The following SH3KBP1 variants were observed in gnomAD, a reference collection of about 807,000 sequenced individuals.
The protein encoded by SH3KBP1 is SH3 domain-containing kinase-binding protein 1.
Under a neutral mutation model 50.1 loss-of-function variants are expected in SH3KBP1, and 8 were observed. The observed-to-expected ratio is 0.16, with a 90% confidence interval of 0.09 to 0.29. SH3KBP1 has a LOEUF of 0.29. Among genes scored for constraint, SH3KBP1 ranks in the 10% least tolerant of loss-of-function variants. The pLI is 1.00. For synonymous variants in SH3KBP1, 227 were observed against 218.6 expected (o/e 1.04, Z -0.34); for missense variants, 377 against 535.2 (o/e 0.70, Z 2.92).
At chrX:19,788,544 A>T (rs2066434621) in intron 2 of SH3KBP1, among the ~76,000 whole-genome samples, 1 of 111,584 alleles carries the variant, frequency 9.0e-6, no homozygotes, top group Non-Finnish European at 1.9e-5. Context: ...AGCCACTCAC[A>T]GCATGTGGTA....
chrX:19,675,158 C>T (rs1183996977), intron 6 of SH3KBP1, among the ~76,000 whole-genome samples: 1 of 111,334 alleles, frequency 9.0e-6, no homozygotes, highest in Non-Finnish European at 1.9e-5. Flanking sequence ...ACTCTTTCTA[C>T]TCTAATAACA....
At chrX:19,790,999 A>C (rs2066512693) in intron 2 of SH3KBP1, among the ~76,000 whole-genome samples, 1 of 111,184 alleles carries the variant, frequency 9.0e-6, no homozygotes, top group South Asian at 3.8e-4. Flanking sequence ...AAAAAGTAAA[A>C]GCCAGTTTCA....
At chrX:19,842,082 AC>A (rs1383688871) in intron 1 of SH3KBP1, among the ~76,000 whole-genome samples, 2 of 111,655 alleles carry the variant, frequency 1.8e-5, no homozygotes, top group Non-Finnish European at 3.8e-5. Context: ...ATGGGGATGG[AC>A]TGCAGATGGG....
At position 19,843,816 on chromosome X, in the gene SH3KBP1, C is replaced by G. The variant is rs998117969; in HGVS notation, c.5-7534G>C. 5.4e-5 allele frequency among the ~76,000 whole-genome samples: 6 copies of G among 111,583 alleles called. No individual in the cohort carries two copies. The Admixed American group carries it at 5.7e-4, about 11-fold the overall frequency. ...ATGAATCAAGAAAGAAGAGAAAAAA[C>G]AAACCCGGCTGTGTGAGAGGAAAGA... On this transcript the variant is annotated intron_variant, in intron 1 of 17. Coordinates refer to ENST00000397821, the MANE Select transcript of SH3KBP1 (RefSeq NM_031892.3).
intron 1 of SH3KBP1, among the ~76,000 whole-genome samples, chrX:19,855,285 G>C (rs1215210887): frequency 1.8e-5 from 2 of 111,950 alleles, no homozygotes; most frequent in Admixed American, 9.5e-5. Flanking sequence ...TGCCCCGCCG[G>C]TAAGCTTTTT....
chrX:19,598,252 TA>T (rs1309574624), intron 9 of SH3KBP1, among the ~76,000 whole-genome samples: 1 of 108,109 alleles, frequency 9.2e-6, no homozygotes. Flanking sequence ...TTTATTTATT[TA>T]TTTATTTATT....
At chrX:19,721,613 C>G (rs758727536) in intron 3 of SH3KBP1, among the ~76,000 whole-genome samples, 2 of 111,374 alleles carry the variant, frequency 1.8e-5, no homozygotes, top group African/African-American at 3.3e-5. Flanking sequence ...CAACATTATT[C>G]TGAAAAGGGG....
chrX:19,536,581 C>A, intron 17 of SH3KBP1, 123 bp from the exon 18 acceptor site: 1 of 431,000 alleles, frequency 2.3e-6, no homozygotes, highest in Non-Finnish European at 4.1e-6. Flanking sequence ...TTAAAGGTGA[C>A]ATGACATCTG....
intron 5 of SH3KBP1, among the ~76,000 whole-genome samples, chrX:19,691,294 C>T (rs182779286): frequency 8.6e-5 from 9 of 104,196 alleles, no homozygotes; most frequent in Middle Eastern, 4.7e-3. Flanking sequence ...TACTCTCGCA[C>T]GCACGCACGC....
intron 1 of SH3KBP1, among the ~76,000 whole-genome samples, chrX:19,881,007 C>T (rs1420569262): frequency 8.9e-6 from 1 of 111,848 alleles, no homozygotes; most frequent in African/African-American, 3.3e-5. Flanking sequence ...ACCTCTAGAA[C>T]TATAAGATTA....
At chrX:19,803,509 C>T (rs1438539270) in intron 2 of SH3KBP1, among the ~76,000 whole-genome samples, 1 of 112,148 alleles carries the variant, frequency 8.9e-6, no homozygotes, top group Non-Finnish European at 1.9e-5. Flanking sequence ...CACACCCAGC[C>T]CCTTATTTTT....
chrX:19,596,811 T>C (rs1370854462), intron 9 of SH3KBP1, among the ~76,000 whole-genome samples: 1 of 112,163 alleles, frequency 8.9e-6, no homozygotes, highest in Non-Finnish European at 1.9e-5. Flanking sequence ...AGGTTGATCA[T>C]GAGATTGCAG....
At chrX:19,836,527 G>A (rs752908278) in intron 1 of SH3KBP1, among the ~76,000 whole-genome samples, 7 of 111,736 alleles carry the variant, frequency 6.3e-5, no homozygotes, top group East Asian at 5.6e-4. Context: ...GCCAGCAGGC[G>A]CTTCAGAGGG....
intron 2 of SH3KBP1, among the ~76,000 whole-genome samples, chrX:19,759,380 A>G (rs1313887234): frequency 8.9e-6 from 1 of 112,000 alleles, no homozygotes; most frequent in African/African-American, 3.2e-5. Context: ...ACTTTAGTAT[A>G]AACTTTTGGC....
chrX:19,588,723 A>C lies in SH3KBP1; in HGVS notation c.1218T>G (p.Pro406=), dbSNP rs1231039587. The change falls in exon 12 of 18, where the codon CCT becomes CCG. Residue 406 remains proline, a synonymous_variant. Transcript: ENST00000397821. Reference sequence around the variant, plus strand: ...CAGGTCTGCTGAGAGAATTGGTCTTAGGTGGCCGAGGCTTTTTTGGCGGTA... The same window carrying C: ...CAGGTCTGCTGAGAGAATTGGTCTTCGGTGGCCGAGGCTTTTTTGGCGGTA... ...PAIPPKKPRP[P]KTNSLSRPGA... is the part of the protein sequence containing the mutation. 3 of 1,201,110 alleles carry C rather than the reference A, an allele frequency of 2.5e-6. No homozygotes were observed. Among genetic ancestry groups the C allele is most frequent in the Non-Finnish European group, 3.4e-6 (3 of 891,136 alleles).
chrX:19,691,356 C>CTCTCTCTATA (rs1556252171), intron 5 of SH3KBP1, among the ~76,000 whole-genome samples: 1 of 73,597 alleles, frequency 1.4e-5, no homozygotes, highest in Non-Finnish European at 2.5e-5. Context: ...CTCTCTCTCT[C>CTCTCTCTATA]TATATATATA....
At chrX:19,695,877 G>A in intron 4 of SH3KBP1, 136 bp from the exon 5 acceptor site, 3 of 523,525 alleles carry the variant, frequency 5.7e-6, no homozygotes, top group Admixed American at 3.8e-5. Flanking sequence ...AGTTAACAGG[G>A]AACAAGAAAA....
At chrX:19,685,148 C>G (rs766388040) in intron 5 of SH3KBP1, among the ~76,000 whole-genome samples, 1 of 112,204 alleles carries the variant, frequency 8.9e-6, no homozygotes, top group Non-Finnish European at 1.9e-5. Flanking sequence ...AATGAAAGTA[C>G]GCCATCAAAT....
At chrX:19,735,781 C>T (rs1306238298) in intron 3 of SH3KBP1, among the ~76,000 whole-genome samples, 5 of 100,117 alleles carry the variant, frequency 5.0e-5, no homozygotes, top group African/African-American at 1.9e-4. Context: ...TGGAGTGCAG[C>T]GGCGCGATCT....
Sources: allele counts gnomAD v4.1 joint callset (sites outside exome capture counted in the v4.1 genomes callset), GRCh38; gene constraint gnomAD v4.1.1; transcripts MANE v1.5; gene names NCBI Gene and HGNC (gene_info 2026-07-23, HGNC 2026-07-21).